The following CDH12 variants were observed in gnomAD, a reference collection of about 807,000 sequenced individuals.
CDH12 encodes cadherin 12.
CDH12 carries 41 observed loss-of-function variants against 74.1 expected under a neutral mutation model. The observed-to-expected ratio is 0.55, with a 90% CI of 0.43 to 0.72. CDH12 has a LOEUF of 0.72. Among genes scored for constraint, CDH12 ranks in the 30% least tolerant of loss-of-function variants. CDH12 has a pLI of 0.00. For missense variants in CDH12, 945 were observed against 977.2 expected, an observed-to-expected ratio of 0.97 and a Z score of 0.44; for synonymous variants, 399 against 355.0, an observed-to-expected ratio of 1.12 and a Z score of -1.39.
At chr5:22,147,382 T>C (rs1329306897) in intron 4 of CDH12, among the ~76,000 whole-genome samples, 2 of 152,084 alleles carry the variant, frequency 1.3e-5, no homozygotes, top group African/African-American at 4.8e-5. Context: ...AGGTAAACTC[T>C]TAATTAAGTG....
intron 6 of CDH12, chr5:21,884,339 T>C: frequency 9.9e-7 from 1 of 1,010,982 alleles, no homozygotes; most frequent in African/African-American, 1.6e-5. Context: ...TTACCTTTAT[T>C]AATGAACTGT....
intron 2 of CDH12, among the ~76,000 whole-genome samples, chr5:22,450,918 C>T (rs996808532): frequency 1.4e-5 from 2 of 141,272 alleles, no homozygotes; most frequent in Middle Eastern, 3.8e-3. Context: ...TCCTTAGGAA[C>T]TAGATTATCT....
intron 11 of CDH12, among the ~76,000 whole-genome samples, chr5:21,777,143 A>T (rs1745633794): frequency 6.6e-6 from 1 of 152,148 alleles, no homozygotes; most frequent in Non-Finnish European, 1.5e-5. Context: ...GATGTCAGGT[A>T]GACAAACTCT....
chr5:22,459,712 C>A (rs892427442), intron 2 of CDH12, among the ~76,000 whole-genome samples: 2 of 152,092 alleles, frequency 1.3e-5, no homozygotes, highest in African/African-American at 4.8e-5. Context: ...CAGTGGCTCA[C>A]GCTTGTAATC....
intron 1 of CDH12, among the ~76,000 whole-genome samples, chr5:22,563,112 T>C (rs1291897183): frequency 6.7e-6 from 1 of 149,418 alleles, no homozygotes; most frequent in Non-Finnish European, 1.5e-5. Flanking sequence ...CTTCAAATAA[T>C]AGGAGGAAAA....
rs1370443517 is a variant in CDH12, at chr5:21,814,778, T to G, written c.1002+2167A>C. The stretch of plus-strand genomic sequence containing the variant: ...ATTATGACTTCTTAATTTAAAATAT[T>G]TTTTATATTATTAATGATTTTTATT... On this transcript the variant is annotated intron_variant, in intron 9 of 14. Coordinates refer to ENST00000382254, the MANE Select transcript of CDH12 (RefSeq NM_004061.5). Among the ~76,000 whole-genome samples, 9 of 151,156 alleles carry G rather than the reference T, an allele frequency of 6.0e-5. No homozygotes were observed. In the South Asian group the frequency reaches 1.5e-3, roughly 24 times the overall value.
At chr5:22,284,173 A>C (rs1274471443) in intron 3 of CDH12, among the ~76,000 whole-genome samples, 2 of 152,190 alleles carry the variant, frequency 1.3e-5, no homozygotes, top group Admixed American at 1.3e-4. Context: ...AGAACTTTGA[A>C]GAACTGCAGA....
chr5:22,570,035 TTTTA>T (rs59201709), intron 1 of CDH12, among the ~76,000 whole-genome samples: 4,388 of 149,954 alleles, frequency 0.029, 87 homozygotes, highest in Middle Eastern at 0.076. Flanking sequence ...ATGTATTTCG[TTTTA>T]TTTATTTATT....
intron 1 of CDH12, among the ~76,000 whole-genome samples, chr5:22,508,269 T>A (rs1736472359): frequency 6.6e-6 from 1 of 152,064 alleles, no homozygotes; most frequent in Non-Finnish European, 1.5e-5. Flanking sequence ...GTCTGGAGAG[T>A]CATCCCCTAC....
intron 5 of CDH12, among the ~76,000 whole-genome samples, chr5:22,055,722 A>C: frequency 6.6e-6 from 1 of 152,230 alleles, no homozygotes; most frequent in Middle Eastern, 3.4e-3. Context: ...ATTAATAAAT[A>C]AAATCATAAA....
intron 3 of CDH12, among the ~76,000 whole-genome samples, chr5:22,374,543 C>A (rs1430941545): frequency 6.6e-6 from 1 of 152,002 alleles, no homozygotes; most frequent in Non-Finnish European, 1.5e-5. Flanking sequence ...GTGATATAAT[C>A]TTACATCTAG....
intron 5 of CDH12, among the ~76,000 whole-genome samples, chr5:22,052,330 G>A (rs766463808): frequency 4.6e-5 from 7 of 151,988 alleles, no homozygotes; most frequent in Non-Finnish European, 1.0e-4. Context: ...ACTTCAATGA[G>A]CATAACTGGC....
At chr5:22,597,559 A>G (rs921767419) in intron 1 of CDH12, among the ~76,000 whole-genome samples, 2 of 152,136 alleles carry the variant, frequency 1.3e-5, no homozygotes, top group African/African-American at 2.4e-5. Context: ...TCAACTCAAA[A>G]GATTGATTAT....
At chr5:22,173,546 C>T (rs1349603301) in intron 4 of CDH12, among the ~76,000 whole-genome samples, 1 of 150,934 alleles carries the variant, frequency 6.6e-6, no homozygotes, top group African/African-American at 2.4e-5. Flanking sequence ...AAATAGAATC[C>T]TATATACAGA....
rs1753090432 is a variant in CDH12 at position 22,250,217 on chromosome 5, T to C, written c.-332-37574A>G. Among the ~76,000 whole-genome samples, 3 of 152,008 alleles carry C rather than the reference T, an allele frequency of 2.0e-5. No homozygotes were observed. In the South Asian group the frequency reaches 6.2e-4, roughly 32 times the overall value. ...TATATATATATATAGTCTACTGCTGTGCAAGGAAAAAAACCCACATACTAG... is the reference window on the plus strand; with the variant it reads ...TATATATATATATAGTCTACTGCTGCGCAAGGAAAAAAACCCACATACTAG... On this transcript the variant is annotated intron_variant, in intron 3 of 14. Coordinates refer to ENST00000382254, the MANE Select transcript of CDH12 (RefSeq NM_004061.5).
chr5:22,661,416 C>G (rs568937084), intron 1 of CDH12, among the ~76,000 whole-genome samples: 1 of 152,080 alleles, frequency 6.6e-6, no homozygotes, highest in Non-Finnish European at 1.5e-5. Flanking sequence ...CCAATGCAGA[C>G]GTTTTAGAAA....
intron 1 of CDH12, among the ~76,000 whole-genome samples, chr5:22,795,403 C>T (rs13354695): frequency 3.9e-5 from 6 of 151,944 alleles, no homozygotes; most frequent in African/African-American, 1.5e-4. Flanking sequence ...AGTCCTAAAC[C>T]TGACATAAGG....
chr5:22,692,110 G>A (rs1014571553), intron 1 of CDH12, among the ~76,000 whole-genome samples: 5 of 152,220 alleles, frequency 3.3e-5, no homozygotes, highest in Admixed American at 1.3e-4. Flanking sequence ...CAGTAGTAGC[G>A]GTGGTAATGA....
intron 11 of CDH12, among the ~76,000 whole-genome samples, chr5:21,772,018 T>G (rs182109987): frequency 5.6e-4 from 86 of 152,278 alleles, no homozygotes; most frequent in Non-Finnish European, 7.8e-4. Context: ...CAGAGTATTG[T>G]GAGACATGTT....
Sources: allele counts gnomAD v4.1 joint callset (sites outside exome capture counted in the v4.1 genomes callset), GRCh38; gene constraint gnomAD v4.1.1; transcripts MANE v1.5; gene names NCBI Gene and HGNC (gene_info 2026-07-23, HGNC 2026-07-21).